Variants in SERPINA1 observed in about 807,000 individuals in gnomAD.
SERPINA1 encodes the protein serpin family A member 1.
In SERPINA1, 21 loss-of-function variants were observed where a neutral mutation model predicts 25.4. The observed-to-expected ratio is 0.83, with a 90% CI of 0.59 to 1.19. SERPINA1 has a LOEUF of 1.19. Among genes scored for constraint, SERPINA1 ranks in the 50% most tolerant of loss-of-function variants. The pLI is 0.00. For missense variants in SERPINA1, 546 were observed against 509.0 expected (o/e 1.07, Z -0.70); for synonymous variants, 218 against 211.1 (o/e 1.03, Z -0.29).
Position 94,380,949 on chromosome 14 carries a change from T to C in SERPINA1, c.839A>G (p.Asp280Gly). ...GNATAIFFLP[D>G]EGKLQHLENE... ...TTCCAGGTGCTGTAGTTTCCCCTCATCAGGCAGGAAGAAGATGGCGGTGGC... is the reference window on the plus strand; with the variant it reads ...TTCCAGGTGCTGTAGTTTCCCCTCACCAGGCAGGAAGAAGATGGCGGTGGC... The change falls in exon 3 of 5, where the codon GAT (aspartate) becomes GGT (glycine). Residue 280 changes from aspartate to glycine, a missense_variant. By Grantham distance (94) the Asp-to-Gly change is moderately conservative. Transcript: ENST00000393087. 6.2e-7 allele frequency: 1 copy of C among 1,614,164 alleles called. No individual in the cohort carries two copies. The highest frequency in any genetic ancestry group is 8.5e-7 in the Non-Finnish European group (1 of 1,180,022).
intron 1 of SERPINA1, among the ~76,000 whole-genome samples, chr14:94,386,857 A>G (rs1335744762): frequency 6.6e-6 from 1 of 152,156 alleles, no homozygotes; most frequent in Non-Finnish European, 1.5e-5. Flanking sequence ...ACACTTACTA[A>G]CACCTGGTGT....
chr14:94,381,791 T>C (rs1456167980), intron 2 of SERPINA1, among the ~76,000 whole-genome samples: 2 of 152,222 alleles, frequency 1.3e-5, no homozygotes, highest in African/African-American at 4.8e-5. Context: ...GAGCCAGGAC[T>C]TTAGCTGTGC....
At chr14:94,379,994 G>T (rs992525599) in intron 3 of SERPINA1, among the ~76,000 whole-genome samples, 4 of 148,888 alleles carry the variant, frequency 2.7e-5, no homozygotes, top group African/African-American at 9.8e-5. Flanking sequence ...GTGGATAAGA[G>T]AAGAGTGACC....
intron 1 of SERPINA1, chr14:94,383,739 G>C (rs981452732): frequency 1.2e-5 from 2 of 166,460 alleles, no homozygotes; most frequent in Non-Finnish European, 2.6e-5. Flanking sequence ...TCCAGGAATC[G>C]GGCCAGATCA....
In SERPINA1 at chr14:94,382,766, C is replaced by A. The variant is rs775552836; in HGVS notation, c.472G>T (p.Val158Phe). Residue 158 changes from valine (V) to phenylalanine (F), a missense_variant, in exon 2 of 5, where the codon GTT (valine) becomes TTT (phenylalanine). Physicochemically the swap from Val to Phe is conservative, Grantham distance 50. Coordinates refer to ENST00000393087, the MANE Select transcript of SERPINA1 (RefSeq NM_000295.5). ...LKLVDKFLED[V>F]KKLYHSEAFT... ...GCTTCTGAGTGGTACAACTTTTTAA[C>A]ATCCTCCAAAAACTTATCCACTAGC... The A allele has an allele frequency of 2.5e-6, 4 of 1,614,276 alleles. No homozygotes were observed. The East Asian group carries it at 6.7e-5, about 27-fold the overall frequency.
Position 94,382,982 on chromosome 14 carries a change from C to A in SERPINA1, c.256G>T (p.Ala86Ser). Residue 86 changes from alanine to serine, a missense_variant, in exon 2 of 5, where the codon GCA becomes TCA. Ala to Ser is a moderately conservative substitution (Grantham distance 99). Transcript: ENST00000393087. ...FSPVSIATAFAMLSLGTKADT... is the reference protein window; with the variant it reads ...FSPVSIATAFSMLSLGTKADT... ...GCCTTGGTCCCCAGGGAGAGCATTG[C>A]AAAGGCTGTAGCGATGCTCACTGGG... 1.2e-6 allele frequency: 2 copies of A among 1,607,914 alleles called. No homozygotes were observed. The highest frequency in any genetic ancestry group is 2.2e-5 in the South Asian group (2 of 90,720).
chr14:94,385,384 A>G (rs1411352755), intron 1 of SERPINA1, among the ~76,000 whole-genome samples: 2 of 152,242 alleles, frequency 1.3e-5, no homozygotes, highest in Non-Finnish European at 2.9e-5. Context: ...GGTGGAGTGC[A>G]GTGGCGTGAT....
intron 4 of SERPINA1, 98 bp downstream of exon 4, chr14:94,379,366 C>G (rs1417165016): frequency 1.3e-6 from 2 of 1,545,372 alleles, no homozygotes; most frequent in Non-Finnish European, 1.8e-6. Context: ...TCATTTGTTT[C>G]CCTCGGCCCC....
intron 1 of SERPINA1, 95 bp from the exon 2 acceptor site, chr14:94,383,336 T>C (rs899752657): frequency 7.4e-7 from 1 of 1,356,332 alleles, no homozygotes; most frequent in African/African-American, 1.4e-5. Flanking sequence ...TGCCTAGGGA[T>C]TATTAAACCA....
intron 3 of SERPINA1, 66 bp from the exon 4 acceptor site, chr14:94,379,677 C>A: frequency 6.2e-7 from 1 of 1,607,876 alleles, no homozygotes; most frequent in East Asian, 2.2e-5. Context: ...GGACCCACCA[C>A]AGTGCAAGTG....
chr14:94,386,362 T>C (rs1413656892), intron 1 of SERPINA1, among the ~76,000 whole-genome samples: 5 of 151,988 alleles, frequency 3.3e-5, no homozygotes, highest in African/African-American at 1.2e-4. Context: ...CCCGGGAGCA[T>C]AAAATAAGGG....
rs1170614686 is a variant in SERPINA1 at position 94,381,002 on chromosome 14, C to A, written c.786G>T (p.Trp262Cys). ...NIQHCKKLSS[W>C]VLLMKYLGNA... ...TGCCCAGGTATTTCATCAGCAGCAC[C>A]CAGCTGGACAGCTTCTTACAGTGCT... Residue 262 changes from tryptophan to cysteine, a missense_variant, in exon 3 of 5, where the codon TGG becomes TGT. Coordinates refer to ENST00000393087, the MANE Select transcript of SERPINA1 (RefSeq NM_000295.5). The A allele has an allele frequency of 6.2e-7, 1 of 1,614,084 alleles. No homozygotes were observed. Among genetic ancestry groups the A allele is most frequent in the East Asian group, 2.2e-5 (1 of 44,872 alleles).
intron 3 of SERPINA1, among the ~76,000 whole-genome samples, chr14:94,380,438 G>A (rs1896810531): frequency 6.6e-6 from 1 of 152,144 alleles, no homozygotes; most frequent in Admixed American, 6.5e-5. Context: ...TGCTTTTCTG[G>A]GCCTTGCCAC....
intron 3 of SERPINA1, among the ~76,000 whole-genome samples, chr14:94,380,396 G>A (rs76219199): frequency 7.1e-6 from 1 of 140,358 alleles, no homozygotes; most frequent in Non-Finnish European, 1.6e-5. Context: ...AGCCTTCTGC[G>A]AACATGGCCT....
At position 94,378,553 on chromosome 14, in the gene SERPINA1, G is replaced by A. The variant is rs867521254; in HGVS notation, c.1153C>T (p.Pro385Ser). 3 of 1,613,986 alleles carry A rather than the reference G, an allele frequency of 1.9e-6. No individual in the cohort carries two copies. The highest frequency in any genetic ancestry group is 2.5e-6 in the Non-Finnish European group (3 of 1,179,958). The part of the protein sequence containing the change: ...MFLEAIPMSI[P>S]PEVKFNKPFV... ...GGTTTGTTGAACTTGACCTCGGGGG[G>A]GATAGACATGGGTATGGCCTCTAAA... The change falls in exon 5 of 5, where the codon CCC (proline) becomes TCC (serine). Residue 385 changes from proline to serine, a missense_variant. Coordinates refer to ENST00000393087, the MANE Select transcript of SERPINA1 (RefSeq NM_000295.5).
At chr14:94,387,090 T>A (rs1439405598) in intron 1 of SERPINA1, among the ~76,000 whole-genome samples, 1 of 152,230 alleles carries the variant, frequency 6.6e-6, no homozygotes, top group Non-Finnish European at 1.5e-5. Flanking sequence ...CATCTCTGTG[T>A]ACAAAGCTGA....
Position 94,383,003 on chromosome 14 carries a change from C to G in SERPINA1, c.235G>C (p.Val79Leu), listed in dbSNP as rs1595614180. The G allele has an allele frequency of 6.2e-7, 1 of 1,609,906 alleles. No individual in the cohort carries two copies. Among genetic ancestry groups the G allele is most frequent in the African/African-American group, 1.3e-5 (1 of 74,998 alleles). The change falls in exon 2 of 5, where the codon GTG becomes CTG. Residue 79 changes from valine (V) to leucine (L), a missense_variant. Transcript: ENST00000393087. ...ATTGCAAAGGCTGTAGCGATGCTCA[C>G]TGGGGAGAAGAAGATATTGGTGCTG... Reference protein sequence around the residue: ...SNSTNIFFSPVSIATAFAMLS... With the variant: ...SNSTNIFFSPLSIATAFAMLS...
At chr14:94,388,496 C>T (rs115253862) in intron 1 of SERPINA1, 64 bp downstream of exon 1, 623 of 152,966 alleles carry the variant, frequency 4.1e-3, no homozygotes, top group African/African-American at 8.1e-3. Flanking sequence ...GACCTGCTGC[C>T]TGCCTGGGCC....
chr14:94,382,462 T>C, intron 2 of SERPINA1, 130 bp downstream of exon 2: 3 of 1,065,368 alleles, frequency 2.8e-6, no homozygotes, highest in Non-Finnish European at 4.3e-6. Context: ...TGTAGAAAAC[T>C]GAAGAATCCA....
Sources: gnomAD v4.1 joint callset for allele counts (sites outside exome capture counted in the v4.1 genomes callset) on GRCh38, gnomAD v4.1.1 for gene constraint, MANE v1.5 for transcripts, NCBI Gene and HGNC (gene_info 2026-07-23, HGNC 2026-07-21) for gene names.